ARHGEF11: variants seen among roughly 807,000 people sequenced by gnomAD.
ARHGEF11 encodes Rho guanine nucleotide exchange factor 11, also known as Rho guanine exchange factor (GEF) 11.
Under a neutral mutation model 193.7 loss-of-function variants are expected in ARHGEF11, and 55 were observed. That is an observed-to-expected ratio of 0.28 (90% CI 0.23 to 0.36). The LOEUF is 0.36. Ranked by LOEUF, ARHGEF11 falls within the 10% of genes least tolerant of loss-of-function variation. The probability of loss-of-function intolerance (pLI) is 1.00; values close to 1 mark genes in which losing one functional copy is unlikely to be tolerated. For missense variants in ARHGEF11, 1,723 were observed against 2,005.6 expected (o/e 0.86, Z 2.69); for synonymous variants, 693 against 768.0 (o/e 0.90, Z 1.62).
intron 1 of ARHGEF11, among the ~76,000 whole-genome samples, chr1:157,019,767 A>G (rs1669729480): frequency 6.6e-6 from 1 of 152,230 alleles, no homozygotes; most frequent in Admixed American, 6.5e-5. Context: ...ATGAGCATAT[A>G]GTGTATGATT....
Position 156,969,983 on chromosome 1 carries a change from T to C in ARHGEF11, c.748+15A>G, listed in dbSNP as rs1251321059. 3.7e-6 allele frequency: 6 copies of C among 1,612,944 alleles called. No individual in the cohort carries two copies. Among genetic ancestry groups the C allele is most frequent in the Non-Finnish European group, 4.2e-6 (5 of 1,179,436 alleles). Reference sequence around the variant, plus strand: ...AGAGATATGCCAGAGAAAAAAGGGGTGATGGGGGACTTACCTTCTGATGGT... The same window carrying C: ...AGAGATATGCCAGAGAAAAAAGGGGCGATGGGGGACTTACCTTCTGATGGT... On this transcript the variant is annotated intron_variant, in intron 9 of 40. Coordinates refer to ENST00000368194, the MANE Select transcript of ARHGEF11 (RefSeq NM_198236.3).
chr1:156,947,483 G>T (rs376671853), intron 25 of ARHGEF11, 33 bp from the exon 26 acceptor site: 2 of 1,555,538 alleles, frequency 1.3e-6, no homozygotes, highest in African/African-American at 2.7e-5. Flanking sequence ...AGGGTAGAAA[G>T]CCAGGGAGAA....
intron 21 of ARHGEF11, 100 bp downstream of exon 21, chr1:156,954,792 A>C: frequency 1.0e-6 from 1 of 988,934 alleles, no homozygotes; most frequent in South Asian, 1.4e-5. Flanking sequence ...GAGGAGGAAC[A>C]GGATGGGAGA....
chr1:156,978,406 T>G (rs1412810108), intron 5 of ARHGEF11, 24 bp from the exon 6 acceptor site: 1 of 1,567,340 alleles, frequency 6.4e-7, no homozygotes, highest in African/African-American at 1.4e-5. Context: ...GAGAGAGACT[T>G]GTTCCAGGAG....
chr1:156,965,533 A>G (rs1661570515), intron 11 of ARHGEF11, among the ~76,000 whole-genome samples: 1 of 152,224 alleles, frequency 6.6e-6, no homozygotes, highest in Non-Finnish European at 1.5e-5. Flanking sequence ...GATCTGGCAC[A>G]GCAGCTGGTA....
intron 1 of ARHGEF11, among the ~76,000 whole-genome samples, chr1:157,024,762 T>C (rs894692424): frequency 6.6e-6 from 1 of 152,250 alleles, no homozygotes; most frequent in Admixed American, 6.5e-5. Context: ...CCTATCTTTT[T>C]CCACAGTTAA....
chr1:157,007,899 G>GTTTTTTTTTTTTGTTT (rs1668017982), intron 1 of ARHGEF11, among the ~76,000 whole-genome samples: 1 of 128,948 alleles, frequency 7.8e-6, no homozygotes, highest in African/African-American at 2.9e-5. Context: ...GAAGGCAAAG[G>GTTTTTTTTTTTTGTTT]TTTTTTTTTT....
chr1:157,022,708 G>A lies in ARHGEF11; in HGVS notation c.32+21591C>T, dbSNP rs922275022. On this transcript the variant is annotated intron_variant, in intron 1 of 40. Transcript: ENST00000368194. ...TATGGAAATATAAGTGACCCAGAAC[G>A]GCCATAATAGTCTTGAAAAAAACTC... Among the ~76,000 whole-genome samples, 5 of 151,950 alleles carry A rather than the reference G, an allele frequency of 3.3e-5. No homozygotes were observed. The South Asian group carries it at 6.2e-4, about 19-fold the overall frequency.
chr1:156,980,838 G>T (rs1243790599), intron 3 of ARHGEF11, among the ~76,000 whole-genome samples: 1 of 117,270 alleles, frequency 8.5e-6, no homozygotes, highest in African/African-American at 3.6e-5. Flanking sequence ...TATTCCGGGG[G>T]GGGGGGGGGA....
intron 1 of ARHGEF11, among the ~76,000 whole-genome samples, chr1:157,004,460 G>A (rs1557938117): frequency 6.6e-6 from 1 of 152,124 alleles, no homozygotes; most frequent in African/African-American, 2.4e-5. Context: ...CTCAAGGCAG[G>A]GAGTAATTAG....
intron 5 of ARHGEF11, 59 bp from the exon 6 acceptor site, chr1:156,978,441 C>T: frequency 6.6e-7 from 1 of 1,520,212 alleles, no homozygotes; most frequent in Non-Finnish European, 8.8e-7. Flanking sequence ...GACAGTCCAG[C>T]TATACAGGAG....
intron 21 of ARHGEF11, among the ~76,000 whole-genome samples, chr1:156,953,845 A>G (rs530882802): frequency 6.6e-6 from 1 of 152,288 alleles, no homozygotes; most frequent in East Asian, 1.9e-4. Flanking sequence ...TTTTAAATAC[A>G]TGGATTCTGG....
At chr1:157,036,026 TATAGGAATATATATATGAATCTATATAG>T (rs1671952819) in intron 1 of ARHGEF11, among the ~76,000 whole-genome samples, 1 of 128,832 alleles carries the variant, frequency 7.8e-6, no homozygotes, top group Non-Finnish European at 1.6e-5. Flanking sequence ...TGAATCTATA[TATAGGAATATATATATGAATCTATATAG>T]GAATATATAT....
chr1:156,995,522 T>C (rs1390951902), intron 1 of ARHGEF11, among the ~76,000 whole-genome samples: 2 of 151,988 alleles, frequency 1.3e-5, no homozygotes, highest in Non-Finnish European at 2.9e-5. Flanking sequence ...CCTAACTCAA[T>C]AGTAACTACA....
chr1:156,939,461 G>A (rs1656297256), intron 37 of ARHGEF11, 87 bp downstream of exon 37: 5 of 1,577,184 alleles, frequency 3.2e-6, no homozygotes, highest in Non-Finnish European at 4.3e-6. Context: ...CCCAGGGGGA[G>A]TATAGGGAAG....
intron 7 of ARHGEF11, among the ~76,000 whole-genome samples, chr1:156,974,397 G>A (rs1457732359): frequency 6.6e-6 from 1 of 152,154 alleles, no homozygotes; most frequent in Non-Finnish European, 1.5e-5. Flanking sequence ...TCTATTAACA[G>A]CAGACTGAAT....
At chr1:156,974,733 G>T (rs929213280) in intron 7 of ARHGEF11, among the ~76,000 whole-genome samples, 1 of 152,122 alleles carries the variant, frequency 6.6e-6, no homozygotes. Flanking sequence ...TGCATATTTC[G>T]GACACTCCAT....
Position 156,963,299 on chromosome 1 carries a change from G to A in ARHGEF11, c.1044C>T (p.Asp348=), listed in dbSNP as rs1301228791. 6.2e-7 allele frequency: 1 copy of A among 1,613,948 alleles called. No homozygotes were observed. Among genetic ancestry groups the A allele is most frequent in the South Asian group, 1.1e-5 (1 of 91,034 alleles). Residue 348 remains aspartate (D), a synonymous_variant, in exon 13 of 41, where the codon GAC becomes GAT. Transcript: ENST00000368194. ...YDPGYFNNES[D]IIFQDLEKLK... ...GTTTCTCCAGATCCTGGAATATGAT[G>A]TCGCTCTGGAAGGCAGAAGGATGAG...
At chr1:157,039,967 T>C (rs536922635) in intron 1 of ARHGEF11, among the ~76,000 whole-genome samples, 16 of 152,372 alleles carry the variant, frequency 1.1e-4, no homozygotes, top group African/African-American at 3.6e-4. Context: ...AGATTAGCTA[T>C]GTGCTGTTCA....
Sources: allele counts gnomAD v4.1 joint callset (sites outside exome capture counted in the v4.1 genomes callset), GRCh38; gene constraint gnomAD v4.1.1; transcripts MANE v1.5; gene names NCBI Gene and HGNC (gene_info 2026-07-23, HGNC 2026-07-21).